Variants in ADGRL3 observed in about 807,000 individuals in gnomAD.
The protein encoded by ADGRL3 is adhesion G protein-coupled receptor L3, also known as calcium-independent alpha-latrotoxin receptor 3.
In ADGRL3, 62 loss-of-function variants were observed where a neutral mutation model predicts 153.5. That is an observed-to-expected ratio of 0.40 (90% confidence interval 0.33 to 0.50). The LOEUF (loss-of-function observed/expected upper bound fraction) is 0.50, where lower values mean the gene tolerates loss of function less well. Ranked by LOEUF, ADGRL3 falls within the 20% of genes least tolerant of loss-of-function variation. The pLI, the probability that ADGRL3 is intolerant of heterozygous loss-of-function variation, is 0.47. For synonymous variants in ADGRL3, 710 were observed against 672.5 expected (o/e 1.06, Z -0.86); for missense variants, 1,641 against 1,859.4 (o/e 0.88, Z 2.16).
At chr4:62,006,196 G>A (rs867709062) in intron 21 of ADGRL3, among the ~76,000 whole-genome samples, 1 of 150,886 alleles carries the variant, frequency 6.6e-6, no homozygotes, top group African/African-American at 2.4e-5. Context: ...CATCATGCCC[G>A]GCTAATTTTT....
intron 2 of ADGRL3, among the ~76,000 whole-genome samples, chr4:61,394,561 A>C (rs966754100): frequency 6.6e-6 from 1 of 152,018 alleles, no homozygotes; most frequent in African/African-American, 2.4e-5. Context: ...AAACATTACA[A>C]ATTTACACTT....
chr4:61,901,508 G>A (rs2098664395), intron 11 of ADGRL3, among the ~76,000 whole-genome samples: 1 of 152,058 alleles, frequency 6.6e-6, no homozygotes, highest in South Asian at 2.1e-4. Flanking sequence ...GAGATTGGTG[G>A]CAATTCCAAA....
At chr4:61,492,374 G>A (rs1005361177) in intron 2 of ADGRL3, among the ~76,000 whole-genome samples, 6 of 152,110 alleles carry the variant, frequency 3.9e-5, no homozygotes, top group African/African-American at 1.4e-4. Context: ...GATGGAAAAG[G>A]TACAATCATA....
At chr4:61,409,159 C>T (rs2097047167) in intron 2 of ADGRL3, among the ~76,000 whole-genome samples, 1 of 142,810 alleles carries the variant, frequency 7.0e-6, no homozygotes, top group Admixed American at 7.2e-5. Flanking sequence ...CAAAAAAATC[C>T]CAGTTAGTTG....
Position 62,076,112 on chromosome 4 carries a change from T to G in ADGRL3, c.*5204T>G, listed in dbSNP as rs1747043507. ...GTGATTTCTGCAATAAAACAGGTAG[T>G]TAATATAGTTTCGCATAATCTCATT... On this transcript the variant is annotated 3_prime_UTR_variant, in exon 27 of 27. Coordinates refer to ENST00000683033, the MANE Select transcript of ADGRL3 (RefSeq NM_001387552.1). 6.6e-6 allele frequency: 1 copy of G among 152,136 alleles called. No individual in the cohort carries two copies. Among genetic ancestry groups the G allele is most frequent in the African/African-American group, 2.4e-5 (1 of 41,448 alleles). 9.4% of individuals were successfully genotyped at this position (152,136 alleles called of 1,614,324 possible).
intron 4 of ADGRL3, among the ~76,000 whole-genome samples, chr4:61,572,564 C>A (rs1174719323): frequency 2.0e-5 from 3 of 152,048 alleles, no homozygotes; most frequent in Non-Finnish European, 4.4e-5. Flanking sequence ...ATCTAAGTGA[C>A]TACAGATAAA....
intron 1 of ADGRL3, among the ~76,000 whole-genome samples, chr4:61,382,729 C>A (rs1020799056): frequency 1.3e-5 from 2 of 151,668 alleles, no homozygotes; most frequent in South Asian, 2.1e-4. Context: ...GTTTTCTATG[C>A]CTGTTACCTA....
intron 2 of ADGRL3, among the ~76,000 whole-genome samples, chr4:61,428,649 T>C (rs1411091750): frequency 6.6e-6 from 1 of 152,220 alleles, no homozygotes; most frequent in Non-Finnish European, 1.5e-5. Flanking sequence ...ATGTCATGCC[T>C]AGCCTCAGTT....
chr4:61,788,011 C>T (rs1232078722), intron 8 of ADGRL3, among the ~76,000 whole-genome samples: 2 of 152,166 alleles, frequency 1.3e-5, no homozygotes, highest in African/African-American at 4.8e-5. Flanking sequence ...TATACATATG[C>T]CACATTTTCT....
chr4:61,912,255 A>G (rs1404169633), intron 12 of ADGRL3, among the ~76,000 whole-genome samples: 1 of 152,180 alleles, frequency 6.6e-6, no homozygotes, highest in African/African-American at 2.4e-5. Context: ...TATGAAGAAC[A>G]TATGATTTGT....
At chr4:61,486,830 A>T (rs1295824640) in intron 2 of ADGRL3, among the ~76,000 whole-genome samples, 1 of 152,248 alleles carries the variant, frequency 6.6e-6, no homozygotes, top group East Asian at 1.9e-4. Flanking sequence ...ATCCTGGAAG[A>T]TCATGGTTCT....
intron 1 of ADGRL3, among the ~76,000 whole-genome samples, chr4:61,369,224 T>C (rs1298036552): frequency 6.6e-6 from 1 of 152,054 alleles, no homozygotes; most frequent in East Asian, 1.9e-4. Flanking sequence ...CCTTTATTTC[T>C]TTCTCCTGCC....
At chr4:61,648,130 T>G (rs1424755712) in intron 5 of ADGRL3, among the ~76,000 whole-genome samples, 2 of 152,154 alleles carry the variant, frequency 1.3e-5, no homozygotes. Context: ...ATTCCATATG[T>G]GCTAATCAGC....
chr4:61,644,365 C>A (rs929821407), intron 5 of ADGRL3, among the ~76,000 whole-genome samples: 1 of 151,362 alleles, frequency 6.6e-6, no homozygotes, highest in African/African-American at 2.4e-5. Flanking sequence ...TTTTCTAGTT[C>A]TTTTAATTGT....
chr4:61,410,925 T>C (rs575961805), intron 2 of ADGRL3, among the ~76,000 whole-genome samples: 4 of 152,188 alleles, frequency 2.6e-5, no homozygotes, highest in Non-Finnish European at 5.9e-5. Context: ...ACCCATCCTA[T>C]GGAGGTTGCA....
At chr4:61,763,622 A>G (rs1385523903) in intron 8 of ADGRL3, among the ~76,000 whole-genome samples, 1 of 152,142 alleles carries the variant, frequency 6.6e-6, no homozygotes, top group Non-Finnish European at 1.5e-5. Flanking sequence ...ACCCAAATAT[A>G]TTTAGTTTCT....
chr4:61,898,436 C>A (rs1429871217), intron 11 of ADGRL3, among the ~76,000 whole-genome samples: 1 of 152,066 alleles, frequency 6.6e-6, no homozygotes, highest in Non-Finnish European at 1.5e-5. Flanking sequence ...GAACAACTCT[C>A]TCTCTTGTGA....
chr4:62,025,841 G>T (rs1056960195), intron 21 of ADGRL3, among the ~76,000 whole-genome samples: 12 of 152,032 alleles, frequency 7.9e-5, no homozygotes, highest in Non-Finnish European at 1.8e-4. Context: ...ACCTGTAACG[G>T]TATTTTGTTT....
At chr4:61,594,587 G>GT (rs1170174080) in intron 5 of ADGRL3, among the ~76,000 whole-genome samples, 2 of 152,140 alleles carry the variant, frequency 1.3e-5, no homozygotes, top group African/African-American at 2.4e-5. Context: ...GCAGAGACTT[G>GT]TTTTTTCCCC....
Sources: gnomAD v4.1 joint callset for allele counts (sites outside exome capture counted in the v4.1 genomes callset) on GRCh38, gnomAD v4.1.1 for gene constraint, MANE v1.5 for transcripts, NCBI Gene and HGNC (gene_info 2026-07-23, HGNC 2026-07-21) for gene names.